Variants in ZDHHC14 observed in about 807,000 individuals in gnomAD.
ZDHHC14 encodes the protein zDHHC palmitoyltransferase 14, also known as palmitoyltransferase ZDHHC14.
A neutral mutation model predicts 47.7 loss-of-function variants in ZDHHC14; 16 were observed. That is an observed-to-expected ratio of 0.34 (90% CI 0.23 to 0.51). The LOEUF is 0.51. Ranked by LOEUF, ZDHHC14 falls within the 20% of genes least tolerant of loss-of-function variation. ZDHHC14 has a pLI of 0.97. For missense variants in ZDHHC14, 515 were observed against 662.5 expected (o/e 0.78, Z 2.44); for synonymous variants, 293 against 278.9 (o/e 1.05, Z -0.50).
At chr6:157,492,206 G>GCCCCTCC (rs1554261213) in intron 1 of ZDHHC14, among the ~76,000 whole-genome samples, 2 of 82,480 alleles carry the variant, frequency 2.4e-5, no homozygotes, top group African/African-American at 7.9e-5. Context: ...CTCCGCCCCC[G>GCCCCTCC]CCCCCCAGCC....
chr6:157,398,767 A>C (rs989444100), intron 1 of ZDHHC14, among the ~76,000 whole-genome samples: 1 of 152,008 alleles, frequency 6.6e-6, no homozygotes, highest in African/African-American at 2.4e-5. Context: ...CTTATTTTCC[A>C]TTTTTTGCTT....
chr6:157,568,607 C>T (rs1466372284), intron 2 of ZDHHC14, among the ~76,000 whole-genome samples: 1 of 152,074 alleles, frequency 6.6e-6, no homozygotes, highest in East Asian at 1.9e-4. Context: ...CAATGTTGCA[C>T]TCAGTATTCA....
intron 1 of ZDHHC14, among the ~76,000 whole-genome samples, chr6:157,455,111 G>T (rs1182167498): frequency 6.6e-6 from 1 of 152,200 alleles, no homozygotes; most frequent in African/African-American, 2.4e-5. Context: ...ACTTTGAAAG[G>T]CAGCAAAAAG....
chr6:157,508,553 T>C (rs2114746120), intron 1 of ZDHHC14, among the ~76,000 whole-genome samples: 1 of 152,196 alleles, frequency 6.6e-6, no homozygotes, highest in South Asian at 2.1e-4. Context: ...TTATATTTTT[T>C]GTAGAGACAA....
rs1407136583 is a variant in ZDHHC14, at chr6:157,582,268, C to T, written c.407-10720C>T. Among the ~76,000 whole-genome samples the T allele has an allele frequency of 1.3e-5, 2 of 152,152 alleles. No homozygotes were observed. Among genetic ancestry groups the T allele is most frequent in the African/African-American group, 4.8e-5 (2 of 41,420 alleles). On this transcript the variant is annotated intron_variant, in intron 2 of 8. Transcript: ENST00000359775. This position sits in a 1 kb window ranked among gnomAD's most constrained non-coding sequence, Gnocchi z 4.3. ...TAGTATTGATATGTGCGGATTTGAT[C>T]TTGTCATCACATTGTTAGCTGGTTA... is the stretch of plus-strand genomic sequence containing the variant.
chr6:157,457,120 G>C (rs1471001477), intron 1 of ZDHHC14, among the ~76,000 whole-genome samples: 1 of 150,550 alleles, frequency 6.6e-6, no homozygotes, highest in Non-Finnish European at 1.5e-5. Flanking sequence ...ATTGCAGTGA[G>C]CCGAGATTGC....
intron 2 of ZDHHC14, among the ~76,000 whole-genome samples, chr6:157,565,878 T>C (rs1170287013): frequency 6.6e-6 from 1 of 151,484 alleles, no homozygotes; most frequent in Non-Finnish European, 1.5e-5. Context: ...TAGGAACCTC[T>C]CTCTCCAGCC....
At chr6:157,439,610 A>G (rs150885995) in intron 1 of ZDHHC14, among the ~76,000 whole-genome samples, 2,125 of 152,306 alleles carry the variant, frequency 0.014, 53 homozygotes, top group African/African-American at 0.049. Context: ...GTGATTCCTC[A>G]AAGACCTAGA....
At chr6:157,388,588 G>A (rs1311566081) in intron 1 of ZDHHC14, among the ~76,000 whole-genome samples, 2 of 152,144 alleles carry the variant, frequency 1.3e-5, no homozygotes, top group Non-Finnish European at 2.9e-5. Flanking sequence ...CTAATAAAAT[G>A]TCAGTTCATT....
intron 8 of ZDHHC14, among the ~76,000 whole-genome samples, chr6:157,661,623 C>G (rs909919770): frequency 6.6e-6 from 1 of 152,132 alleles, no homozygotes; most frequent in African/African-American, 2.4e-5. Flanking sequence ...ACCTGGGCTG[C>G]CTCTGACCTT....
rs1274962909 is a variant in ZDHHC14, at chr6:157,615,322, G to A, written c.566-13027G>A. Among the ~76,000 whole-genome samples, 5 of 152,188 alleles carry A rather than the reference G, an allele frequency of 3.3e-5. No homozygotes were observed. The South Asian group carries it at 1.0e-3, about 32-fold the overall frequency. On this transcript the variant is annotated intron_variant, in intron 3 of 8. Coordinates refer to ENST00000359775, the MANE Select transcript of ZDHHC14 (RefSeq NM_024630.3). The stretch of plus-strand genomic sequence containing the variant: ...CGTCTGTGCGGACCCAAGTCTGCTG[G>A]CAGGGGTATTGATGTCGTACTTCGT...
chr6:157,438,739 T>A (rs1437170311), intron 1 of ZDHHC14, among the ~76,000 whole-genome samples: 3 of 152,206 alleles, frequency 2.0e-5, no homozygotes, highest in Non-Finnish European at 2.9e-5. Flanking sequence ...AATCCGAAAG[T>A]CTGGATGTCA....
chr6:157,592,701 G>GA, intron 2 of ZDHHC14: 1 of 1,145,370 alleles, frequency 8.7e-7, no homozygotes, highest in Non-Finnish European at 1.1e-6. Context: ...GGGGGAAGGA[G>GA]GAAAAGGGCG....
intron 2 of ZDHHC14, among the ~76,000 whole-genome samples, chr6:157,564,958 A>G (rs982432281): frequency 3.9e-5 from 6 of 152,136 alleles, no homozygotes; most frequent in Non-Finnish European, 2.9e-5. Context: ...AAGTAAGAAT[A>G]TTTGGGCCGG....
chr6:157,513,910 G>A (rs1297982743), intron 1 of ZDHHC14, among the ~76,000 whole-genome samples: 2 of 152,032 alleles, frequency 1.3e-5, no homozygotes, highest in Non-Finnish European at 2.9e-5. Flanking sequence ...TTATGGATGA[G>A]CAAACCTTGG....
At chr6:157,500,734 C>T (rs930285886) in intron 1 of ZDHHC14, among the ~76,000 whole-genome samples, 1 of 152,146 alleles carries the variant, frequency 6.6e-6, no homozygotes, top group African/African-American at 2.4e-5. Context: ...TGGTGGAATC[C>T]GTGGCCCTTT....
chr6:157,524,133 T>G (rs1044286116), intron 1 of ZDHHC14, among the ~76,000 whole-genome samples: 9 of 139,748 alleles, frequency 6.4e-5, no homozygotes, highest in Admixed American at 6.2e-4. Flanking sequence ...GATTGGCAAT[T>G]TTTTTTTTTT....
chr6:157,580,031 G>T (rs1783456926), intron 2 of ZDHHC14, among the ~76,000 whole-genome samples: 1 of 152,156 alleles, frequency 6.6e-6, no homozygotes, highest in Admixed American at 6.5e-5. Context: ...GTTTGTCATA[G>T]ATGGCTCTTG....
At chr6:157,400,644 C>T (rs1298136137) in intron 1 of ZDHHC14, among the ~76,000 whole-genome samples, 1 of 152,202 alleles carries the variant, frequency 6.6e-6, no homozygotes, top group East Asian at 1.9e-4. Context: ...CCCCTGAGTC[C>T]CTCGCTGCTG....
Sources: allele counts gnomAD v4.1 joint callset (sites outside exome capture counted in the v4.1 genomes callset), GRCh38; gene constraint gnomAD v4.1.1; non-coding constraint Gnocchi (gnomAD v3.1); transcripts MANE v1.5; gene names NCBI Gene and HGNC (gene_info 2026-07-23, HGNC 2026-07-21).